The following SYDE2 variants were observed in gnomAD, a reference collection of about 807,000 sequenced individuals.
SYDE2 encodes synapse defective Rho GTPase homolog 2.
In SYDE2, 76 loss-of-function variants were observed where a neutral mutation model predicts 91.5. The ratio of observed to expected loss-of-function variants is 0.83; its 90% CI spans 0.69 to 1.01. The LOEUF is 1.01. SYDE2 is among the 50% of genes least tolerant of loss of function. The pLI is 0.00. For synonymous variants in SYDE2, 513 were observed against 506.4 expected (o/e 1.01, Z -0.18); for missense variants, 1,364 against 1,367.7 (o/e 1.00, Z 0.04).
At chr1:85,179,812 G>A (rs958316246) in intron 3 of SYDE2, among the ~76,000 whole-genome samples, 2 of 150,652 alleles carry the variant, frequency 1.3e-5, no homozygotes, top group Admixed American at 6.6e-5. Context: ...CCATACAAAC[G>A]ATGTATCCCC....
At chr1:85,169,563 G>A (rs776096454) in intron 4 of SYDE2, among the ~76,000 whole-genome samples, 4 of 152,148 alleles carry the variant, frequency 2.6e-5, no homozygotes, top group Non-Finnish European at 5.9e-5. Context: ...TGAAACAGAA[G>A]TTAAGAAAGC....
intron 2 of SYDE2, among the ~76,000 whole-genome samples, chr1:85,184,016 T>G (rs1251365977): frequency 6.6e-6 from 1 of 152,332 alleles, no homozygotes; most frequent in South Asian, 2.1e-4. Context: ...AATGCTTTGT[T>G]TTTATAAAAC....
rs1285401959 is a variant in SYDE2, at chr1:85,169,178, T to C, written c.2719A>G (p.Lys907Glu). 1 of 1,613,852 alleles carries C rather than the reference T, an allele frequency of 6.2e-7. No individual in the cohort carries two copies. Among genetic ancestry groups the C allele is most frequent in the East Asian group, 2.2e-5 (1 of 44,860 alleles). The part of the protein sequence containing the change: ...LRELPSPLIT[K>E]QLYEAVLDAM... ...TCTAATACAGCCTCATAAAGCTGCTTTGTTATCAGAGGAGAAGGGAGTTCT... is the reference window on the plus strand; with the variant it reads ...TCTAATACAGCCTCATAAAGCTGCTCTGTTATCAGAGGAGAAGGGAGTTCT... The change falls in exon 5 of 7, where the codon AAG becomes GAG. Residue 907 changes from lysine to glutamate, a missense_variant. Transcript: ENST00000341460.
chr1:85,187,169 G>GA (rs1198589982), intron 2 of SYDE2, among the ~76,000 whole-genome samples: 3 of 151,876 alleles, frequency 2.0e-5, no homozygotes, highest in Admixed American at 1.3e-4. Context: ...AAATTTACAA[G>GA]AAAAAAACAA....
At position 85,193,260 on chromosome 1, in the gene SYDE2, ATT is replaced by A. The variant is rs1285449707; in HGVS notation, c.746-2510_746-2509del. On this transcript the variant is annotated intron_variant, in intron 1 of 6. Coordinates refer to ENST00000341460, the MANE Select transcript of SYDE2 (RefSeq NM_032184.2). ...GCACTGAAGTCTAAATCTATTTCAC[ATT>A]TAAGTTCAAATCCAGTATTACTTAA... is the stretch of plus-strand genomic sequence containing the variant. Among the ~76,000 whole-genome samples, 363 of 152,358 alleles carry A rather than the reference ATT, an allele frequency of 2.4e-3. 13 individuals carry two copies. The East Asian group carries it at 0.061, about 26-fold the overall frequency.
Position 85,201,001 on chromosome 1 carries a change from T to A in SYDE2, c.-5A>T. The A allele has an allele frequency of 7.7e-7, 1 of 1,294,890 alleles. No individual in the cohort carries two copies. Among genetic ancestry groups the A allele is most frequent in the East Asian group, 3.0e-5 (1 of 33,844 alleles). The allele number at this position is 1,294,890 out of a possible 1,614,324, so 80.2% of individuals were successfully genotyped here. ...GTCAGGGGGCAGGTCGTGCATGGCC[T>A]GGATCAGCAGATAATAGGCCTCTCG... On this transcript the variant is annotated 5_prime_UTR_variant, in exon 1 of 7. Transcript: ENST00000341460.
intron 4 of SYDE2, among the ~76,000 whole-genome samples, chr1:85,170,482 C>T (rs1306573103): frequency 6.6e-6 from 1 of 152,120 alleles, no homozygotes; most frequent in Non-Finnish European, 1.5e-5. Context: ...ATTTGTCTCC[C>T]TCATTGAGAG....
Position 85,167,970 on chromosome 1 carries a change from C to T in SYDE2, c.2853+1074G>A, listed in dbSNP as rs1187348622. Among the ~76,000 whole-genome samples, 8 of 151,822 alleles carry T rather than the reference C, an allele frequency of 5.3e-5. No homozygotes were observed. The East Asian group carries it at 9.7e-4, about 18-fold the overall frequency. Reference sequence around the variant, plus strand: ...CTCTACTGAAAATACAAAAATAAGTCGGGCATGGTGGCGCCCACCTGTAGT... The same window carrying T: ...CTCTACTGAAAATACAAAAATAAGTTGGGCATGGTGGCGCCCACCTGTAGT... On this transcript the variant is annotated intron_variant, in intron 5 of 6. Coordinates refer to ENST00000341460, the MANE Select transcript of SYDE2 (RefSeq NM_032184.2).
At chr1:85,171,125 T>C (rs367955033) in intron 4 of SYDE2, among the ~76,000 whole-genome samples, 54 of 152,210 alleles carry the variant, frequency 3.5e-4, no homozygotes, top group Middle Eastern at 3.4e-3. Context: ...ATTTTGAACA[T>C]ATGGAGCTTA....
At chr1:85,162,072 C>A (rs11161537) in intron 6 of SYDE2, among the ~76,000 whole-genome samples, 2 of 152,118 alleles carry the variant, frequency 1.3e-5, no homozygotes, top group East Asian at 3.9e-4. Flanking sequence ...AATGCTGATA[C>A]GCTGAAGTTC....
intron 2 of SYDE2, among the ~76,000 whole-genome samples, chr1:85,186,074 T>C (rs1161050298): frequency 1.3e-5 from 2 of 152,040 alleles, no homozygotes; most frequent in South Asian, 2.1e-4. Context: ...TTGTCTTTGG[T>C]TCTGTTTATA....
chr1:85,153,593 C>T (rs1656818834), downstream of SYDE2: 3 of 152,164 alleles, frequency 2.0e-5, no homozygotes, highest in South Asian at 6.2e-4. Flanking sequence ...AGTACAATCT[C>T]ATGCTTCTGT....
chr1:85,199,895 G>T (rs958089883), intron 1 of SYDE2, among the ~76,000 whole-genome samples: 3 of 151,952 alleles, frequency 2.0e-5, no homozygotes, highest in African/African-American at 7.3e-5. Context: ...GAGCTACAAA[G>T]AATAAAAATC....
rs776209083 is a variant in SYDE2, at chr1:85,158,899, A to T, written c.3436T>A (p.Cys1146Ser). Residue 1146 changes from cysteine to serine, a missense_variant, in exon 7 of 7, where the codon TGT becomes AGT. Coordinates refer to ENST00000341460, the MANE Select transcript of SYDE2 (RefSeq NM_032184.2). ...IEQPIPMSKE[C>S]TFQTYLTMQT... is the part of the protein sequence containing the mutation. ...ATTGTCAAATATGTCTGAAATGTACACTCTTTGGACATGGGAATTGGCTGT... is the reference window on the plus strand; with the variant it reads ...ATTGTCAAATATGTCTGAAATGTACTCTCTTTGGACATGGGAATTGGCTGT... 1.3e-6 allele frequency: 1 copy of T among 780,118 alleles called. No individual in the cohort carries two copies. The highest frequency in any genetic ancestry group is 1.7e-5 in the African/African-American group (1 of 59,030). 48.3% of individuals were successfully genotyped at this position (780,118 alleles called of 1,614,324 possible). A position where few individuals can be genotyped will look rare whatever the true frequency, so the allele number is the denominator to read the frequency against.
chr1:85,177,811 T>C (rs527378296), intron 4 of SYDE2, among the ~76,000 whole-genome samples: 1 of 152,268 alleles, frequency 6.6e-6, no homozygotes, highest in Admixed American at 6.5e-5. Context: ...TCTAACCAGA[T>C]AGTCAATACG....
At chr1:85,155,622 T>C (rs114177893), downstream of SYDE2, among the ~76,000 whole-genome samples, 266 of 152,316 alleles carry the variant, frequency 1.7e-3, no homozygotes, top group African/African-American at 6.1e-3. Context: ...AAAGAATCCA[T>C]TTGGCCTTTA....
downstream of SYDE2, among the ~76,000 whole-genome samples, chr1:85,156,010 CT>C (rs996444152): frequency 6.6e-6 from 1 of 151,100 alleles, no homozygotes; most frequent in African/African-American, 2.4e-5. Flanking sequence ...AACAAATGAA[CT>C]AAAAACATAA....
intron 1 of SYDE2, among the ~76,000 whole-genome samples, chr1:85,199,596 T>C (rs1658729548): frequency 6.6e-6 from 1 of 152,184 alleles, no homozygotes; most frequent in Admixed American, 6.5e-5. Context: ...TCCTTGATTT[T>C]TCACAATAAA....
Position 85,181,671 on chromosome 1 carries a change from TTTAAC to T in SYDE2, c.2544+422_2544+426del, listed in dbSNP as rs560750390. 120 of 153,338 alleles carry T rather than the reference TTTAAC, an allele frequency of 7.8e-4. 3 individuals are homozygous for T. The highest frequency in any genetic ancestry group is 5.2e-4 in the Admixed American group (8 of 15,350). 9.5% of individuals were successfully genotyped at this position (153,338 alleles called of 1,614,324 possible). ...ATTTTATAATATTTACTCATTGTCT[TTTAAC>T]TTAACTTTTCAACCAATATTATAAA... is the stretch of plus-strand genomic sequence containing the variant. On this transcript the variant is annotated intron_variant, in intron 3 of 6. Coordinates refer to ENST00000341460, the MANE Select transcript of SYDE2 (RefSeq NM_032184.2).
Sources: allele counts gnomAD v4.1 joint callset (sites outside exome capture counted in the v4.1 genomes callset), GRCh38; gene constraint gnomAD v4.1.1; transcripts MANE v1.5; gene names NCBI Gene and HGNC (gene_info 2026-07-23, HGNC 2026-07-21).